Variants in POLA1 observed in about 807,000 individuals in gnomAD.
POLA1 encodes the protein DNA polymerase alpha catalytic subunit.
Under a neutral mutation model 124.0 loss-of-function variants are expected in POLA1, and 15 were observed. The observed-to-expected ratio is 0.12, with a 90% confidence interval of 0.08 to 0.19. The LOEUF (loss-of-function observed/expected upper bound fraction) is 0.19, where lower values mean the gene tolerates loss of function less well. Among genes scored for constraint, POLA1 ranks in the 10% least tolerant of loss-of-function variants. The pLI is 1.00. For synonymous variants in POLA1, 408 were observed against 389.4 expected, an observed-to-expected ratio of 1.05 and a Z score of -0.56; for missense variants, 886 against 1,103.4, an observed-to-expected ratio of 0.80 and a Z score of 2.79.
intron 26 of POLA1, among the ~76,000 whole-genome samples, chrX:24,786,858 T>G (rs1326569204): frequency 9.3e-6 from 1 of 107,570 alleles, no homozygotes; most frequent in Non-Finnish European, 1.9e-5. Context: ...CATGCCCCTC[T>G]AATTTTTTTT....
At chrX:24,753,796 G>C (rs1286327668) in intron 26 of POLA1, among the ~76,000 whole-genome samples, 2 of 112,388 alleles carry the variant, frequency 1.8e-5, no homozygotes, top group Non-Finnish European at 3.8e-5. Flanking sequence ...TCTTATTTCT[G>C]TGTCCTTGAG....
intron 34 of POLA1, among the ~76,000 whole-genome samples, chrX:24,853,371 C>G (rs183418500): frequency 8.9e-6 from 1 of 111,955 alleles, no homozygotes; most frequent in Non-Finnish European, 1.9e-5. Flanking sequence ...AATCTGAAAT[C>G]ATATCGGTAA....
intron 23 of POLA1, among the ~76,000 whole-genome samples, chrX:24,744,090 C>T (rs919360093): frequency 9.0e-6 from 1 of 111,696 alleles, no homozygotes; most frequent in Non-Finnish European, 1.9e-5. Flanking sequence ...AACATTTCAA[C>T]CCTTCCCAAG....
rs11573508 is a variant in POLA1, at chrX:24,971,618, A to G, written c.4262-24187A>G. ...TGAAGCCATCATGGCAGTGCTACCA[A>G]CCTCCACTCAACCAGGCACCTGTGA... is the stretch of plus-strand genomic sequence containing the variant. On this transcript the variant is annotated intron_variant, in intron 36 of 36. Coordinates refer to ENST00000379068, the MANE Select transcript of POLA1 (RefSeq NM_001330360.2). Among the ~76,000 whole-genome samples, 269 of 111,710 alleles carry G rather than the reference A, an allele frequency of 2.4e-3. 1 individual carries two copies. Among genetic ancestry groups the G allele is most frequent in the African/African-American group, 8.2e-3 (251 of 30,693 alleles).
chrX:24,785,821 T>C (rs2045350566), intron 26 of POLA1, among the ~76,000 whole-genome samples: 1 of 112,026 alleles, frequency 8.9e-6, no homozygotes, highest in Non-Finnish European at 1.9e-5. Context: ...GTTCATCTTA[T>C]AACTGAAAGT....
intron 36 of POLA1, among the ~76,000 whole-genome samples, chrX:24,968,947 G>A (rs912034925): frequency 2.7e-5 from 3 of 110,052 alleles, no homozygotes; most frequent in Non-Finnish European, 5.7e-5. Flanking sequence ...GGTGGCTCGC[G>A]CATGTAATCC....
At chrX:24,864,062 A>T (rs1332003043) in intron 34 of POLA1, among the ~76,000 whole-genome samples, 1 of 109,361 alleles carries the variant, frequency 9.1e-6, no homozygotes, top group Non-Finnish European at 1.9e-5. Flanking sequence ...GCTCACTGCA[A>T]CCTCTACTTC....
Position 24,801,920 on chromosome X carries a change from G to GTGTGT in POLA1, c.2965-7978_2965-7977insTGTGT, listed in dbSNP as rs1569317038. 3.7e-3 allele frequency among the ~76,000 whole-genome samples: 177 copies of GTGTGT among 47,501 alleles called. 2 individuals carry two copies. The highest frequency in any genetic ancestry group is 0.017 in the African/African-American group (158 of 9,279). The allele number at this position is 47,501 out of a possible 115,157, so 41.2% of individuals were successfully genotyped here. A position where few individuals can be genotyped will look rare whatever the true frequency, so the allele number is the denominator to read the frequency against. On this transcript the variant is annotated intron_variant, in intron 26 of 36. Transcript: ENST00000379068. Reference sequence around the variant, plus strand: ...AGAAACAGAGCCACTAGGAGAGGTGGGTGGGTGTGTGTGTGTGTGTGTGTG... The same window carrying GTGTGT: ...AGAAACAGAGCCACTAGGAGAGGTGGTGTGTGTGGGTGTGTGTGTGTGTGTGTGTG...
chrX:24,875,125 G>A (rs1170901957), intron 34 of POLA1, among the ~76,000 whole-genome samples: 2 of 111,283 alleles, frequency 1.8e-5, no homozygotes, highest in African/African-American at 3.3e-5. Flanking sequence ...GAAAAAAGGC[G>A]AAAAGGGAGG....
intron 34 of POLA1, among the ~76,000 whole-genome samples, chrX:24,869,044 C>G (rs1201535568): frequency 1.8e-5 from 2 of 111,805 alleles, no homozygotes; most frequent in Non-Finnish European, 3.8e-5. Flanking sequence ...AGCGAACCTC[C>G]CAACTCCGCC....
intron 35 of POLA1, among the ~76,000 whole-genome samples, chrX:24,900,714 T>C (rs2047266855): frequency 8.9e-6 from 1 of 111,751 alleles, no homozygotes; most frequent in South Asian, 3.8e-4. Flanking sequence ...TTTACCTTCC[T>C]ACTTCTATGC....
intron 10 of POLA1, among the ~76,000 whole-genome samples, chrX:24,721,234 C>T (rs1437042584): frequency 8.9e-6 from 1 of 112,486 alleles, no homozygotes. Context: ...CCTCAGAGAT[C>T]ATCTAGTCTA....
intron 26 of POLA1, among the ~76,000 whole-genome samples, chrX:24,788,015 A>G (rs1247755641): frequency 8.9e-6 from 1 of 112,474 alleles, no homozygotes; most frequent in African/African-American, 3.2e-5. Flanking sequence ...ATCATACATC[A>G]TAATCAAATG....
At position 24,699,663 on chromosome X, in the gene POLA1, T is replaced by C. The variant is rs1250521062; in HGVS notation, c.168+114T>C. The C allele has an allele frequency of 9.1e-6, 5 of 550,645 alleles. No homozygotes were observed. The African/African-American group carries it at 1.2e-4, about 13-fold the overall frequency. The allele number at this position is 550,645 out of a possible 1,213,427, so 45.4% of individuals were successfully genotyped here. A position where few individuals can be genotyped will look rare whatever the true frequency, so the allele number is the denominator to read the frequency against. Reference sequence around the variant, plus strand: ...AGAAATACTCATATATTTTAAACTTTTTGTAATGGGAATTTATTAGTATTG... The same window carrying C: ...AGAAATACTCATATATTTTAAACTTCTTGTAATGGGAATTTATTAGTATTG... On this transcript the variant is annotated intron_variant, in intron 2 of 36. Coordinates refer to ENST00000379068, the MANE Select transcript of POLA1 (RefSeq NM_001330360.2).
rs770430387 is a variant in POLA1 at position 24,860,715 on chromosome X, T to C, written c.4047+17038T>C. Among the ~76,000 whole-genome samples the C allele has an allele frequency of 6.2e-5, 7 of 112,702 alleles. No homozygotes were observed. In the South Asian group the frequency reaches 1.8e-3, roughly 30 times the overall value. On this transcript the variant is annotated intron_variant, in intron 34 of 36. Transcript: ENST00000379068. ...CTTTTTGTCAGACCATCACTAGCCA[T>C]TGATAGAAGAGCTGTACTTTTGTGT...
intron 2 of POLA1, among the ~76,000 whole-genome samples, chrX:24,699,961 A>G: frequency 9.8e-6 from 1 of 102,148 alleles, no homozygotes; most frequent in South Asian, 5.1e-4. Flanking sequence ...TTGCAAGGGT[A>G]GTGGCAGTGG....
At position 24,826,510 on chromosome X, in the gene POLA1, G is replaced by A; in HGVS notation, c.3645G>A (p.Gln1215=). ...QKQDNLTIDT[Q]YYLAQQIHPV... is the part of the protein sequence containing the mutation. ...AGGATAATCTAACCATTGACACCCA[G>A]TACTACCTGGCCCAGCAGATCCACC... is the stretch of plus-strand genomic sequence containing the variant. Residue 1215 remains glutamine, a synonymous_variant, in exon 32 of 37, where the codon CAG becomes CAA. Transcript: ENST00000379068. 8.3e-7 allele frequency: 1 copy of A among 1,204,278 alleles called. No homozygotes were observed. The highest frequency in any genetic ancestry group is 1.8e-5 in the South Asian group (1 of 56,350).
At chrX:24,744,489 T>C (rs1296942946) in intron 23 of POLA1, 1 of 350,827 alleles carries the variant, frequency 2.9e-6, no homozygotes, top group Non-Finnish European at 5.4e-6. Flanking sequence ...GATAACTCTT[T>C]GTAAATGTCC....
chrX:24,701,728 A>G (rs1409564591), intron 2 of POLA1, among the ~76,000 whole-genome samples: 1 of 105,970 alleles, frequency 9.4e-6, no homozygotes, highest in African/African-American at 3.5e-5. Flanking sequence ...GAGCCACCAC[A>G]CCCGGCTGAG....
Sources: gnomAD v4.1 joint callset for allele counts (sites outside exome capture counted in the v4.1 genomes callset) on GRCh38, gnomAD v4.1.1 for gene constraint, MANE v1.5 for transcripts, NCBI Gene and HGNC (gene_info 2026-07-23, HGNC 2026-07-21) for gene names.